Variants in KIF5A observed in about 807,000 individuals in gnomAD.
KIF5A encodes the protein kinesin heavy chain isoform 5A.
In KIF5A, 35 loss-of-function variants were observed where a neutral mutation model predicts 141.3. That is an observed-to-expected ratio of 0.25 (90% CI 0.19 to 0.33). The LOEUF is 0.33. Among genes scored for constraint, KIF5A ranks in the 10% least tolerant of loss-of-function variants. The pLI is 1.00. For synonymous variants in KIF5A, 448 were observed against 500.2 expected (o/e 0.90, Z 1.39); for missense variants, 861 against 1,314.3 (o/e 0.66, Z 5.33).
intron 17 of KIF5A, 74 bp from the exon 18 acceptor site, chr12:57,576,013 G>A: frequency 6.9e-7 from 1 of 1,444,570 alleles, no homozygotes; most frequent in South Asian, 1.1e-5. Context: ...CCTGCCTGGA[G>A]TTCTGGTCAC....
At chr12:57,558,842 CATGG>C (rs1881823792) in intron 1 of KIF5A, among the ~76,000 whole-genome samples, 1 of 152,182 alleles carries the variant, frequency 6.6e-6, no homozygotes, top group Admixed American at 6.5e-5. Context: ...GTGGTGCAAT[CATGG>C]CTCACTGCAA....
intron 1 of KIF5A, among the ~76,000 whole-genome samples, chr12:57,558,554 A>T (rs1881815336): frequency 6.6e-6 from 1 of 152,182 alleles, no homozygotes; most frequent in South Asian, 2.1e-4. Context: ...GGCGCCTATA[A>T]TCCCAGCTAC....
At chr12:57,562,974 A>G (rs1270838111) in intron 1 of KIF5A, among the ~76,000 whole-genome samples, 1 of 150,424 alleles carries the variant, frequency 6.6e-6, no homozygotes, top group Admixed American at 6.6e-5. Context: ...CAGTACCTTT[A>G]GTTTCTCTTA....
chr12:57,552,938 A>G (rs1270369063), intron 1 of KIF5A, among the ~76,000 whole-genome samples: 1 of 152,016 alleles, frequency 6.6e-6, no homozygotes, highest in African/African-American at 2.4e-5. Flanking sequence ...GGGTAGGAGA[A>G]TAAGCTGGAG....
chr12:57,581,791 A>C (rs1882611009), intron 25 of KIF5A, 79 bp from the exon 26 acceptor site: 4 of 1,376,790 alleles, frequency 2.9e-6, no homozygotes, highest in Non-Finnish European at 4.1e-6. Flanking sequence ...TCTATCACTG[A>C]GGATGAGTGT....
Position 57,571,353 on chromosome 12 carries a change from A to T in KIF5A, c.1326A>T (p.Ile442=). 6.2e-7 allele frequency: 1 copy of T among 1,613,820 alleles called. No individual in the cohort carries two copies. The highest frequency in any genetic ancestry group is 8.5e-7 in the Non-Finnish European group (1 of 1,179,758). Residue 442 remains isoleucine (I), a synonymous_variant, in exon 13 of 29, where the codon ATA becomes ATT. Coordinates refer to ENST00000455537, the MANE Select transcript of KIF5A (RefSeq NM_004984.4). ...AAATCAACCAACAAAGCCAACTCAT[A>T]GAGAAGCTCAAGCAGCAAATGCTGG... The part of the protein sequence containing the change: ...DDEINQQSQL[I]EKLKQQMLDQ...
intron 15 of KIF5A, among the ~76,000 whole-genome samples, chr12:57,574,616 C>G (rs527869231): frequency 3.5e-5 from 5 of 143,884 alleles, no homozygotes; most frequent in Admixed American, 2.9e-4. Flanking sequence ...GAGTCTCACT[C>G]TGTCGCCCAG....
Position 57,551,646 on chromosome 12 carries a change from C to G in KIF5A, c.129+1246C>G, listed in dbSNP as rs188006904. ...ACGAGGGCAGTCAAGGTCAGAGGTG[C>G]TTCTTATGTATCTTTATCCACAGTG... On this transcript the variant is annotated intron_variant, in intron 1 of 28. Coordinates refer to ENST00000455537, the MANE Select transcript of KIF5A (RefSeq NM_004984.4). Among the ~76,000 whole-genome samples the G allele has an allele frequency of 1.1e-3, 161 of 152,252 alleles. 1 individual carries two copies. The Middle Eastern group carries it at 0.017, about 16-fold the overall frequency.
Position 57,569,606 on chromosome 12 carries a change from A to G in KIF5A, c.1040A>G (p.Glu347Gly). The G allele has an allele frequency of 6.2e-7, 1 of 1,614,088 alleles. No homozygotes were observed. Among genetic ancestry groups the G allele is most frequent in the Non-Finnish European group, 8.5e-7 (1 of 1,180,002 alleles). The change falls in exon 11 of 29, where the codon GAG (glutamate) becomes GGG (glycine). Residue 347 changes from glutamate (E) to glycine (G), a missense_variant. Glu to Gly is a moderately conservative substitution (Grantham distance 98). Coordinates refer to ENST00000455537, the MANE Select transcript of KIF5A (RefSeq NM_004984.4). ...LTAEQWKKKY[E>G]KEKEKTKAQK... ...GCTGAGCAGTGGAAGAAGAAATATG[A>G]GAAGGAGAAGGAGAAGACAAAGGCC...
Position 57,554,437 on chromosome 12 carries a change from A to G in KIF5A, c.129+4037A>G, listed in dbSNP as rs200069505. 7.9e-5 allele frequency among the ~76,000 whole-genome samples: 12 copies of G among 152,344 alleles called. No homozygotes were observed. The East Asian group carries it at 2.3e-3, about 29-fold the overall frequency. ...CTATTTTATATGCTATCTCCCCACA[A>G]GCTAGCTTTGACAAAATTGGGAAGT... On this transcript the variant is annotated intron_variant, in intron 1 of 28. Transcript: ENST00000455537.
chr12:57,581,979 C>T (rs768690360), intron 26 of KIF5A, 27 bp downstream of exon 26: 2 of 1,567,898 alleles, frequency 1.3e-6, no homozygotes, highest in Non-Finnish European at 1.8e-6. Flanking sequence ...GGTAATCCCA[C>T]CTTTGGGGTC....
In KIF5A at chr12:57,581,149, A is replaced by C. The variant is rs199953180; in HGVS notation, c.2732A>C (p.Lys911Thr). 8 of 1,613,856 alleles carry C rather than the reference A, an allele frequency of 5.0e-6. No homozygotes were observed. Among genetic ancestry groups the C allele is most frequent in the Non-Finnish European group, 6.8e-6 (8 of 1,179,980 alleles). Residue 911 changes from lysine (K) to threonine (T), a missense_variant, in exon 24 of 29, where the codon AAA (lysine) becomes ACA (threonine). Around this residue, in one of 5 missense-constraint regions of KIF5A, gnomAD observed 482 missense variants for 661.3 expected, o/e 0.73. Transcript: ENST00000455537. ...GCCGTTCGCTACAAGAGCTCGGGCA[A>C]ACGGGGCCATTCTGCCCAGATTGGT... ...KEAVRYKSSG[K>T]RGHSAQIAKP...
In KIF5A at chr12:57,550,548, T is replaced by G; in HGVS notation, c.129+148T>G. 1 of 818,472 alleles carries G rather than the reference T, an allele frequency of 1.2e-6. No individual in the cohort carries two copies. The highest frequency in any genetic ancestry group is 1.9e-6 in the Non-Finnish European group (1 of 520,954). The allele number at this position is 818,472 out of a possible 1,614,324, so 50.7% of individuals were successfully genotyped here. On this transcript the variant is annotated intron_variant, in intron 1 of 28. Transcript: ENST00000455537. The surrounding 1 kb of genome is among the most constrained non-coding windows in gnomAD (Gnocchi z 4.6). ...CTTCCCCGCAGCCCCTCCTCTCCCC[T>G]GCATCAGGATGGCTGGGTGTGGCCT...
At chr12:57,569,795 C>T (rs1275928245) in intron 11 of KIF5A, 112 bp downstream of exon 11, 7 of 1,508,152 alleles carry the variant, frequency 4.6e-6, no homozygotes, top group Non-Finnish European at 6.3e-6. Context: ...AGAAGAGGGG[C>T]TGTGTTTCTG....
rs371611519 is a variant in KIF5A, at chr12:57,581,735, A to G, written c.2910-135A>G. ...GTGTCTGCCCTCCCAGCCTGTGGCC[A>G]TGTTTGTTTTCCTCTGCTCTCTGGG... On this transcript the variant is annotated intron_variant, in intron 25 of 28. Coordinates refer to ENST00000455537, the MANE Select transcript of KIF5A (RefSeq NM_004984.4). 3.1e-5 allele frequency: 38 copies of G among 1,208,076 alleles called. No homozygotes were observed. In the South Asian group the frequency reaches 3.9e-4, roughly 12 times the overall value. 74.8% of individuals were successfully genotyped at this position (1,208,076 alleles called of 1,614,324 possible).
At chr12:57,582,066 C>A in intron 26 of KIF5A, 114 bp downstream of exon 26, 1 of 862,080 alleles carries the variant, frequency 1.2e-6, no homozygotes, top group Non-Finnish European at 1.9e-6. Flanking sequence ...TCTGGTGTGC[C>A]AAGGCTTCAA....
chr12:57,583,242 A>G (rs1882661853), intron 28 of KIF5A, 27 bp downstream of exon 28: 1 of 1,422,186 alleles, frequency 7.0e-7, no homozygotes, highest in African/African-American at 1.4e-5. Flanking sequence ...TCCTCGGACC[A>G]GCCTCAGGTT....
At position 57,572,759 on chromosome 12, in the gene KIF5A, C is replaced by T; in HGVS notation, c.1716+33C>T. ...GTGAGAGACAGCAGCCTTGTTCAGG[C>T]TGGGCACTAGTGGAAGACGCAAGAT... On this transcript the variant is annotated intron_variant, in intron 15 of 28. Coordinates refer to ENST00000455537, the MANE Select transcript of KIF5A (RefSeq NM_004984.4). The surrounding 1 kb of genome is among the most constrained non-coding windows in gnomAD (Gnocchi z 4.2). 6.2e-7 allele frequency: 1 copy of T among 1,613,864 alleles called. No individual in the cohort carries two copies. Among genetic ancestry groups the T allele is most frequent in the Non-Finnish European group, 8.5e-7 (1 of 1,179,768 alleles).
At chr12:57,562,295 A>G (rs1331502794) in intron 1 of KIF5A, among the ~76,000 whole-genome samples, 1 of 152,184 alleles carries the variant, frequency 6.6e-6, no homozygotes, top group Non-Finnish European at 1.5e-5. Flanking sequence ...GGCTCACTGC[A>G]ACCTCCGCCT....
Sources: allele counts gnomAD v4.1 joint callset (sites outside exome capture counted in the v4.1 genomes callset), GRCh38; gene constraint gnomAD v4.1.1; regional missense constraint gnomAD v4.1.1; non-coding constraint Gnocchi (gnomAD v3.1); transcripts MANE v1.5; gene names NCBI Gene and HGNC (gene_info 2026-07-23, HGNC 2026-07-21).